The following TRMT9B variants were observed in gnomAD, a reference collection of about 807,000 sequenced individuals.
TRMT9B encodes tRNA methyltransferase 9B (putative), also known as probable tRNA methyltransferase 9B.
Under a neutral mutation model 11.5 loss-of-function variants are expected in TRMT9B, and 16 were observed. The observed-to-expected ratio is 1.39, with a 90% CI of 0.94 to 2.11. The LOEUF is 2.11. TRMT9B is among the 30% of genes most tolerant of loss of function. The probability of loss-of-function intolerance (pLI) is 0.00; values close to 1 mark genes in which losing one functional copy is unlikely to be tolerated. For missense variants in TRMT9B, 941 were observed against 553.8 expected (o/e 1.70, Z -7.02); for synonymous variants, 274 against 192.4 (o/e 1.42, Z -3.51).
chr8:12,980,985 A>T (rs1204601697), intron 1 of TRMT9B, among the ~76,000 whole-genome samples: 1 of 152,164 alleles, frequency 6.6e-6, no homozygotes, highest in African/African-American at 2.4e-5. Flanking sequence ...CCATGATAGA[A>T]GCAACACATT....
chr8:12,980,402 C>CTT (rs5889411), intron 1 of TRMT9B, among the ~76,000 whole-genome samples: 5 of 151,870 alleles, frequency 3.3e-5, no homozygotes, highest in Admixed American at 1.3e-4. Context: ...TCTATAAACC[C>CTT]TTTTTTCCAA....
chr8:12,989,071 T>C (rs1421591482), intron 1 of TRMT9B, among the ~76,000 whole-genome samples: 2 of 151,856 alleles, frequency 1.3e-5, no homozygotes, highest in Non-Finnish European at 2.9e-5. Context: ...TTTAATTTAA[T>C]ACAGAAATTT....
At chr8:12,974,596 T>C (rs1004606650) in intron 1 of TRMT9B, among the ~76,000 whole-genome samples, 11 of 152,186 alleles carry the variant, frequency 7.2e-5, no homozygotes, top group African/African-American at 2.7e-4. Flanking sequence ...GGCCAATAGA[T>C]GTTTCAAGTG....
At chr8:13,015,420 A>C (rs781174738) in intron 4 of TRMT9B, among the ~76,000 whole-genome samples, 7 of 152,070 alleles carry the variant, frequency 4.6e-5, no homozygotes, top group African/African-American at 7.2e-5. Context: ...CCCTGGTTGG[A>C]GTGCAATGGC....
At chr8:12,960,024 C>G (rs1018957420) in intron 1 of TRMT9B, 2 of 152,106 alleles carry the variant, frequency 1.3e-5, no homozygotes, top group Non-Finnish European at 2.9e-5. Context: ...TCAGACAATC[C>G]CTTTATGGAA....
At position 13,022,490 on chromosome 8, in the gene TRMT9B, T is replaced by A; in HGVS notation, c.*446T>A. ...GCAGTGTGCAAGATAATAGGTAAAT[T>A]TGATCCATTGCACAGATATACTTTG... is the stretch of plus-strand genomic sequence containing the variant. On this transcript the variant is annotated 3_prime_UTR_variant, in exon 5 of 5. Transcript: ENST00000524591. 1 of 169,094 alleles carries A rather than the reference T, an allele frequency of 5.9e-6. No individual in the cohort carries two copies. Among genetic ancestry groups the A allele is most frequent in the South Asian group, 2.1e-4 (1 of 4,878 alleles). 10.5% of individuals were successfully genotyped at this position (169,094 alleles called of 1,614,324 possible).
rs1341600725 is a variant in TRMT9B at position 13,021,014 on chromosome 8, A to G, written c.335A>G (p.His112Arg). ...FDAIISIGVI[H>R]HFSTKQRRIR... Reference sequence around the variant, plus strand: ...CTAGTTTTGTCTTTTTCAGTCATACATCATTTTTCTACAAAACAAAGAAGA... The same window carrying G: ...CTAGTTTTGTCTTTTTCAGTCATACGTCATTTTTCTACAAAACAAAGAAGA... Residue 112 changes from histidine to arginine, a missense_variant, in exon 5 of 5, where the codon CAT (histidine) becomes CGT (arginine). By Grantham distance (29) the His-to-Arg change is conservative (BLOSUM62 0). Transcript: ENST00000524591. 1 of 1,540,248 alleles carries G rather than the reference A, an allele frequency of 6.5e-7. No homozygotes were observed. Among genetic ancestry groups the G allele is most frequent in the East Asian group, 2.3e-5 (1 of 43,278 alleles).
chr8:13,022,008 G>C lies in TRMT9B; in HGVS notation c.1329G>C (p.Trp443Cys), dbSNP rs1366170339. The C allele has an allele frequency of 1.2e-6, 2 of 1,607,648 alleles. No individual in the cohort carries two copies. Among genetic ancestry groups the C allele is most frequent in the South Asian group, 1.1e-5 (1 of 89,560 alleles). Residue 443 changes from tryptophan to cysteine, a missense_variant, in exon 5 of 5, where the codon TGG becomes TGC. Coordinates refer to ENST00000524591, the MANE Select transcript of TRMT9B (RefSeq NM_020844.3). ...ILSSGNDHGNWCIIAEKKRGC... is the reference protein window; with the variant it reads ...ILSSGNDHGNCCIIAEKKRGC... ...GTTCTGGGAATGATCATGGTAACTG[G>C]TGTATCATTGCAGAGAAAAAGAGAG...
chr8:13,003,966 G>A (rs1319380873), intron 2 of TRMT9B, among the ~76,000 whole-genome samples: 2 of 151,714 alleles, frequency 1.3e-5, no homozygotes, highest in East Asian at 1.9e-4. Context: ...CAGCAGCCAT[G>A]TGCATGCAGA....
chr8:13,000,927 C>A (rs771582161), intron 2 of TRMT9B, among the ~76,000 whole-genome samples: 1 of 152,048 alleles, frequency 6.6e-6, no homozygotes, highest in Non-Finnish European at 1.5e-5. Context: ...CCTCAGGACG[C>A]AAGGCTGGTA....
At chr8:13,015,780 T>C (rs1452819479) in intron 4 of TRMT9B, among the ~76,000 whole-genome samples, 1 of 152,162 alleles carries the variant, frequency 6.6e-6, no homozygotes, top group Non-Finnish European at 1.5e-5. Context: ...GGCTAAGTCC[T>C]CTATTTTCAG....
Position 13,019,758 on chromosome 8 carries a change from C to T in TRMT9B, c.329-1250C>T, listed in dbSNP as rs552047598. ...AGCCATATTAAAGGACTCTTCTTTT[C>T]GGGAGTGGGTGGCAGCAGTCTGAGG... On this transcript the variant is annotated intron_variant, in intron 4 of 4. Coordinates refer to ENST00000524591, the MANE Select transcript of TRMT9B (RefSeq NM_020844.3). Among the ~76,000 whole-genome samples, 13 of 152,244 alleles carry T rather than the reference C, an allele frequency of 8.5e-5. No homozygotes were observed. In the South Asian group the frequency reaches 1.2e-3, roughly 15 times the overall value.
chr8:12,955,800 A>C (rs978622942), intron 1 of TRMT9B, among the ~76,000 whole-genome samples: 2 of 152,138 alleles, frequency 1.3e-5, no homozygotes, highest in Non-Finnish European at 2.9e-5. Context: ...TGCAACTGAA[A>C]GTAGGGGAGG....
Position 13,026,176 on chromosome 8 carries a change from A to C in TRMT9B, c.*4132A>C, listed in dbSNP as rs1814663271. The C allele has an allele frequency of 6.0e-6, 1 of 167,100 alleles. No individual in the cohort carries two copies. Among genetic ancestry groups the C allele is most frequent in the Non-Finnish European group, 1.5e-5 (1 of 68,132 alleles). The allele number at this position is 167,100 out of a possible 1,614,324, so 10.4% of individuals were successfully genotyped here. Reference sequence around the variant, plus strand: ...AAGCAGCTGCAGTCTAAGAAAAACAAATTAGGGCAGGCCTCAGCATCTCTT... The same window carrying C: ...AAGCAGCTGCAGTCTAAGAAAAACACATTAGGGCAGGCCTCAGCATCTCTT... On this transcript the variant is annotated 3_prime_UTR_variant, in exon 5 of 5. Coordinates refer to ENST00000524591, the MANE Select transcript of TRMT9B (RefSeq NM_020844.3).
intron 2 of TRMT9B, among the ~76,000 whole-genome samples, chr8:13,002,142 AG>A (rs1809555405): frequency 6.6e-6 from 1 of 152,212 alleles, no homozygotes; most frequent in Non-Finnish European, 1.5e-5. Context: ...ATGGTAGTAG[AG>A]GCCATAGAAA....
chr8:12,951,426 G>T (rs1025550310), intron 1 of TRMT9B: 3 of 152,370 alleles, frequency 2.0e-5, no homozygotes, highest in African/African-American at 7.2e-5. Flanking sequence ...CTCCCGCCGG[G>T]GCGTCTTCTC....
intron 2 of TRMT9B, among the ~76,000 whole-genome samples, chr8:13,001,782 A>G (rs894334790): frequency 1.3e-5 from 2 of 152,218 alleles, no homozygotes; most frequent in Non-Finnish European, 2.9e-5. Context: ...GAGGGACACA[A>G]TGTGAGGCTT....
Position 12,993,278 on chromosome 8 carries a change from G to A in TRMT9B, c.-2+2247G>A, listed in dbSNP as rs369988833. ...GGAGTGAATATTATCCAATGAGGTTGTATAGAAAAATTAACCCTGCACTGC... is the reference window on the plus strand; with the variant it reads ...GGAGTGAATATTATCCAATGAGGTTATATAGAAAAATTAACCCTGCACTGC... On this transcript the variant is annotated intron_variant, in intron 2 of 4. Coordinates refer to ENST00000524591, the MANE Select transcript of TRMT9B (RefSeq NM_020844.3). Among the ~76,000 whole-genome samples the A allele has an allele frequency of 8.1e-4, 123 of 152,292 alleles. 3 individuals carry two copies. In the South Asian group the frequency reaches 0.02, roughly 25 times the overall value.
chr8:12,971,034 TG>T (rs1408638700), intron 1 of TRMT9B, among the ~76,000 whole-genome samples: 1 of 152,200 alleles, frequency 6.6e-6, no homozygotes, highest in Admixed American at 6.5e-5. Context: ...GGGGTACATG[TG>T]CTATTTTGAC....
Sources: allele counts gnomAD v4.1 joint callset (sites outside exome capture counted in the v4.1 genomes callset), GRCh38; gene constraint gnomAD v4.1.1; transcripts MANE v1.5; gene names NCBI Gene and HGNC (gene_info 2026-07-23, HGNC 2026-07-21).